FHIT: variants seen among roughly 807,000 people sequenced by gnomAD.
The protein encoded by FHIT is bis(5'-adenosyl)-triphosphatase.
In FHIT, 19 loss-of-function variants were observed where a neutral mutation model predicts 17.9. The ratio of observed to expected loss-of-function variants is 1.06; its 90% CI spans 0.74 to 1.56. The LOEUF is 1.56. Among genes scored for constraint, FHIT ranks in the 40% most tolerant of loss-of-function variants. FHIT has a pLI of 0.00. For missense variants in FHIT, 248 were observed against 189.2 expected (o/e 1.31, Z -1.82); for synonymous variants, 81 against 69.7 (o/e 1.16, Z -0.81).
intron 5 of FHIT, among the ~76,000 whole-genome samples, chr3:60,344,535 T>C (rs895141679): frequency 1.6e-4 from 24 of 152,132 alleles, no homozygotes; most frequent in African/African-American, 5.6e-4. Context: ...GTTTGCATCC[T>C]AGAAATTATT....
intron 5 of FHIT, among the ~76,000 whole-genome samples, chr3:60,396,811 CTT>C (rs1481779414): frequency 6.6e-6 from 1 of 152,126 alleles, no homozygotes. Flanking sequence ...ATCTCAATAA[CTT>C]ATTTCAAAAT....
At chr3:60,022,202 A>AG (rs75289717) in intron 5 of FHIT, among the ~76,000 whole-genome samples, 15,318 of 152,252 alleles carry the variant, frequency 0.1, 1,446 homozygotes, top group East Asian at 0.3. Flanking sequence ...TCAAACAAAA[A>AG]GTTGAGTACA....
intron 8 of FHIT, among the ~76,000 whole-genome samples, chr3:59,899,136 C>T (rs1344651938): frequency 6.6e-6 from 1 of 152,184 alleles, no homozygotes; most frequent in Non-Finnish European, 1.5e-5. Flanking sequence ...GGACCTTGGG[C>T]AACTGACATA....
chr3:61,089,388 C>T (rs1272535893), intron 2 of FHIT, among the ~76,000 whole-genome samples: 7 of 152,174 alleles, frequency 4.6e-5, no homozygotes, highest in African/African-American at 1.4e-4. Context: ...ATACATTCCC[C>T]GATTCCTTCT....
At chr3:60,160,758 C>A (rs1340302000) in intron 5 of FHIT, among the ~76,000 whole-genome samples, 1 of 151,900 alleles carries the variant, frequency 6.6e-6, no homozygotes, top group Non-Finnish European at 1.5e-5. Context: ...AATTCCAAAC[C>A]AATAACACAT....
intron 4 of FHIT, among the ~76,000 whole-genome samples, chr3:60,564,616 C>T (rs974189466): frequency 2.0e-5 from 3 of 152,056 alleles, no homozygotes; most frequent in Non-Finnish European, 4.4e-5. Flanking sequence ...TCATGGATGA[C>T]TTTGAGGGGT....
intron 5 of FHIT, among the ~76,000 whole-genome samples, chr3:60,031,931 T>G (rs1701020157): frequency 1.3e-5 from 2 of 152,220 alleles, no homozygotes; most frequent in Admixed American, 1.3e-4. Context: ...ACCTATGAGT[T>G]GTGTCACAGT....
chr3:60,203,068 C>T (rs1441070670), intron 5 of FHIT, among the ~76,000 whole-genome samples: 1 of 151,776 alleles, frequency 6.6e-6, no homozygotes, highest in African/African-American at 2.4e-5. Flanking sequence ...TTGGTAAAAT[C>T]TGACTAAACT....
intron 3 of FHIT, among the ~76,000 whole-genome samples, chr3:61,034,979 T>A (rs1559927293): frequency 1.3e-5 from 2 of 152,192 alleles, no homozygotes; most frequent in African/African-American, 4.8e-5. Flanking sequence ...GGAATAAACT[T>A]CTGATACATC....
intron 2 of FHIT, among the ~76,000 whole-genome samples, chr3:61,109,996 GA>G (rs1211085864): frequency 2.0e-5 from 3 of 152,122 alleles, no homozygotes; most frequent in African/African-American, 7.2e-5. Context: ...GTCTTGGCAA[GA>G]AGGGCTACAA....
intron 5 of FHIT, among the ~76,000 whole-genome samples, chr3:60,317,801 T>C (rs1411014412): frequency 6.6e-6 from 1 of 150,632 alleles, no homozygotes; most frequent in Admixed American, 6.6e-5. Flanking sequence ...TTTTTTTTTT[T>C]TTATTTTGAG....
At chr3:60,850,669 C>T (rs1362795590) in intron 3 of FHIT, among the ~76,000 whole-genome samples, 1 of 152,096 alleles carries the variant, frequency 6.6e-6, no homozygotes, top group Non-Finnish European at 1.5e-5. Context: ...GCACACCTGC[C>T]ATGTCCTATG....
At chr3:60,553,576 CTCA>C (rs2036643452) in intron 4 of FHIT, among the ~76,000 whole-genome samples, 1 of 147,508 alleles carries the variant, frequency 6.8e-6, no homozygotes, top group African/African-American at 2.5e-5. Flanking sequence ...TGAAGTTCTT[CTCA>C]TCTAGTCAAG....
At chr3:60,833,914 T>G (rs1289257117) in intron 3 of FHIT, among the ~76,000 whole-genome samples, 1 of 152,240 alleles carries the variant, frequency 6.6e-6, no homozygotes, top group African/African-American at 2.4e-5. Context: ...GTTTTGTGTT[T>G]TTTTCCCCTT....
intron 5 of FHIT, among the ~76,000 whole-genome samples, chr3:60,351,414 C>A (rs567022830): frequency 4.6e-5 from 7 of 152,122 alleles, no homozygotes; most frequent in African/African-American, 1.7e-4. Flanking sequence ...TCTGGTGTAA[C>A]TTTATATGCA....
intron 5 of FHIT, among the ~76,000 whole-genome samples, chr3:60,085,304 T>C (rs1703449260): frequency 6.6e-6 from 1 of 152,138 alleles, no homozygotes. Flanking sequence ...GTGCCTCTGA[T>C]TTTTTGAGGT....
At chr3:61,144,840 A>T (rs1451251948) in intron 2 of FHIT, among the ~76,000 whole-genome samples, 1 of 152,136 alleles carries the variant, frequency 6.6e-6, no homozygotes, top group African/African-American at 2.4e-5. Flanking sequence ...AACCATTTGT[A>T]TATCTTCTTT....
intron 4 of FHIT, among the ~76,000 whole-genome samples, chr3:60,800,149 G>A (rs1005029004): frequency 6.6e-6 from 1 of 152,058 alleles, no homozygotes; most frequent in Non-Finnish European, 1.5e-5. Flanking sequence ...GTATTTCCAA[G>A]CTGAATTTCC....
At chr3:60,071,322 A>G (rs1702759887) in intron 5 of FHIT, among the ~76,000 whole-genome samples, 1 of 152,228 alleles carries the variant, frequency 6.6e-6, no homozygotes, top group African/African-American at 2.4e-5. Flanking sequence ...TTTTAGATAT[A>G]TCGAGTTTTA....
Sources: allele counts gnomAD v4.1 joint callset (sites outside exome capture counted in the v4.1 genomes callset), GRCh38; gene constraint gnomAD v4.1.1; transcripts MANE v1.5; gene names NCBI Gene and HGNC (gene_info 2026-07-23, HGNC 2026-07-21).